Variants in IL1RAPL1 observed in about 807,000 individuals in gnomAD.
IL1RAPL1 encodes interleukin 1 receptor accessory protein like 1, also known as interleukin-1 receptor accessory protein-like 1.
A neutral mutation model predicts 48.4 loss-of-function variants in IL1RAPL1; 3 were observed. That is an observed-to-expected ratio of 0.06 (90% CI 0.03 to 0.16). The LOEUF (loss-of-function observed/expected upper bound fraction) is 0.16. Among genes scored for constraint, IL1RAPL1 ranks in the 10% least tolerant of loss-of-function variants. IL1RAPL1 has a pLI of 1.00. For synonymous variants in IL1RAPL1, 185 were observed against 187.7 expected (o/e 0.99, Z 0.12); for missense variants, 349 against 530.6 (o/e 0.66, Z 3.36).
At chrX:29,884,030 C>T (rs1257453618) in intron 6 of IL1RAPL1, among the ~76,000 whole-genome samples, 1 of 111,430 alleles carries the variant, frequency 9.0e-6, no homozygotes, top group Non-Finnish European at 1.9e-5. Flanking sequence ...CTCTGCTTTT[C>T]AGAAATATTA....
At chrX:29,789,732 G>GA (rs201626670) in intron 6 of IL1RAPL1, among the ~76,000 whole-genome samples, 127 of 102,441 alleles carry the variant, frequency 1.2e-3, no homozygotes, top group Admixed American at 2.5e-3. Context: ...ACAAACTGGT[G>GA]AAAAAAAAAT....
At chrX:29,209,097 T>C (rs1930722525) in intron 2 of IL1RAPL1, among the ~76,000 whole-genome samples, 2 of 112,038 alleles carry the variant, frequency 1.8e-5, no homozygotes, top group South Asian at 7.4e-4. Context: ...CTAAAATGTG[T>C]CTAGTTTCGT....
At chrX:29,467,425 G>A (rs949821370) in intron 5 of IL1RAPL1, among the ~76,000 whole-genome samples, 34 of 112,472 alleles carry the variant, frequency 3.0e-4, no homozygotes, top group Non-Finnish European at 4.3e-4. Context: ...GGCATATTGA[G>A]ACTAGATATT....
chrX:29,688,114 C>T (rs1483243094), intron 6 of IL1RAPL1, among the ~76,000 whole-genome samples: 1 of 112,037 alleles, frequency 8.9e-6, no homozygotes. Context: ...AGTCACTTAC[C>T]TTACTAAAAA....
intron 2 of IL1RAPL1, among the ~76,000 whole-genome samples, chrX:29,171,058 A>C (rs1320872239): frequency 9.0e-6 from 1 of 110,949 alleles, no homozygotes; most frequent in African/African-American, 3.3e-5. Flanking sequence ...GTACAGTGGC[A>C]CGATCTCGGC....
intron 1 of IL1RAPL1, among the ~76,000 whole-genome samples, chrX:28,588,898 A>G (rs1933878322): frequency 8.9e-6 from 1 of 111,873 alleles, no homozygotes; most frequent in African/African-American, 3.3e-5. Context: ...TTTTATTGCA[A>G]TGCAGCCAGC....
intron 3 of IL1RAPL1, among the ~76,000 whole-genome samples, chrX:29,333,268 G>T (rs1268564615): frequency 4.6e-5 from 5 of 108,393 alleles, no homozygotes; most frequent in African/African-American, 1.7e-4. Context: ...GCAGCTGGCC[G>T]GGCGGGGGGC....
rs1434054669 is a variant in IL1RAPL1, at chrX:28,762,819, CACACAGAGAGAGAGAGAGAGAGAGAG to C, written c.-24-26499_-24-26474del. ...ACACACACACACACACACACACACA[CACACAGAGAGAGAGAGAGAGAGAGAG>C]AGAGAGAAGCTTGTTTCACGTAACC... On this transcript the variant is annotated intron_variant, in intron 1 of 10. Transcript: ENST00000378993. Among the ~76,000 whole-genome samples, 6 of 39,261 alleles carry C rather than the reference CACACAGAGAGAGAGAGAGAGAGAGAG, an allele frequency of 1.5e-4. No homozygotes were observed. In the Admixed American group the frequency reaches 1.6e-3, roughly 11 times the overall value. 34.1% of individuals were successfully genotyped at this position (39,261 alleles called of 115,157 possible).
chrX:28,904,955 ATAAT>A (rs745814644), intron 2 of IL1RAPL1, among the ~76,000 whole-genome samples: 48 of 112,041 alleles, frequency 4.3e-4, no homozygotes, highest in Admixed American at 4.0e-3. Context: ...AAGGAATTCA[ATAAT>A]TAGAGACTTT....
chrX:29,804,766 A>G (rs150956080), intron 6 of IL1RAPL1, among the ~76,000 whole-genome samples: 103 of 111,966 alleles, frequency 9.2e-4, no homozygotes, highest in African/African-American at 3.1e-3. Context: ...ATAAGGTCCT[A>G]TATGTCAATG....
chrX:29,287,946 C>A (rs767207356), intron 3 of IL1RAPL1, among the ~76,000 whole-genome samples: 11 of 111,186 alleles, frequency 9.9e-5, no homozygotes, highest in African/African-American at 3.6e-4. Context: ...ATGGACCATG[C>A]TTTTGGTGTG....
intron 2 of IL1RAPL1, among the ~76,000 whole-genome samples, chrX:29,044,882 T>G (rs972984392): frequency 1.8e-5 from 2 of 110,373 alleles, no homozygotes; most frequent in African/African-American, 6.7e-5. Flanking sequence ...GTACATTTAT[T>G]ATTTTTCTCA....
chrX:29,122,409 T>TCTCTCACACA (rs60632925), intron 2 of IL1RAPL1, among the ~76,000 whole-genome samples: 36 of 64,588 alleles, frequency 5.6e-4, no homozygotes, highest in African/African-American at 2.4e-3. Flanking sequence ...TCTCTCTCTC[T>TCTCTCACACA]CACACACACA....
At chrX:28,687,439 A>T (rs1935123169) in intron 1 of IL1RAPL1, among the ~76,000 whole-genome samples, 1 of 112,234 alleles carries the variant, frequency 8.9e-6, no homozygotes, top group Non-Finnish European at 1.9e-5. Flanking sequence ...CGTGAATTTT[A>T]GCATGGACCA....
rs772946393 is a variant in IL1RAPL1 at position 29,856,669 on chromosome X, G to T, written c.779-60795G>T. 1.1e-4 allele frequency among the ~76,000 whole-genome samples: 12 copies of T among 111,270 alleles called. No homozygotes were observed. The South Asian group carries it at 4.1e-3, about 38-fold the overall frequency. On this transcript the variant is annotated intron_variant, in intron 6 of 10. Transcript: ENST00000378993. The stretch of plus-strand genomic sequence containing the variant: ...CTGTAGCTGAATTCATGTATCCAGG[G>T]AATCACTATAAAACTCACATCCCTT...
intron 2 of IL1RAPL1, among the ~76,000 whole-genome samples, chrX:28,932,118 C>A (rs986981900): frequency 9.1e-6 from 1 of 110,341 alleles, no homozygotes; most frequent in Non-Finnish European, 1.9e-5. Context: ...GCATTTATAA[C>A]TAGATGGAAA....
intron 3 of IL1RAPL1, among the ~76,000 whole-genome samples, chrX:29,285,262 G>A (rs975028866): frequency 8.2e-5 from 9 of 110,270 alleles, no homozygotes; most frequent in African/African-American, 9.9e-5. Flanking sequence ...GCTGGGCACC[G>A]TGGCTCATGC....
At chrX:28,881,747 C>T (rs766386671) in intron 2 of IL1RAPL1, among the ~76,000 whole-genome samples, 6 of 110,387 alleles carry the variant, frequency 5.4e-5, no homozygotes, top group Non-Finnish European at 1.1e-4. Context: ...AAAAAATCAC[C>T]GGAAGGGTTT....
At chrX:29,220,186 A>C (rs1930948164) in intron 2 of IL1RAPL1, among the ~76,000 whole-genome samples, 1 of 112,151 alleles carries the variant, frequency 8.9e-6, no homozygotes, top group Non-Finnish European at 1.9e-5. Context: ...CACCTGGTTG[A>C]AAATTAAATA....
Sources: allele counts gnomAD v4.1 joint callset (sites outside exome capture counted in the v4.1 genomes callset), GRCh38; gene constraint gnomAD v4.1.1; transcripts MANE v1.5; gene names NCBI Gene and HGNC (gene_info 2026-07-23, HGNC 2026-07-21).